Variants in ANKFY1 observed in about 807,000 individuals in gnomAD.
ANKFY1 encodes the protein ankyrin repeat and FYVE domain-containing protein 1.
Under a neutral mutation model 128.3 loss-of-function variants are expected in ANKFY1, and 47 were observed. The ratio of observed to expected loss-of-function variants is 0.37; its 90% confidence interval spans 0.29 to 0.47. The LOEUF (loss-of-function observed/expected upper bound fraction) is 0.47. Ranked by LOEUF, ANKFY1 falls within the 20% of genes least tolerant of loss-of-function variation. The pLI is 1.00. For synonymous variants in ANKFY1, 553 were observed against 601.6 expected, an observed-to-expected ratio of 0.92 and a Z score of 1.18; for missense variants, 1,222 against 1,510.6, an observed-to-expected ratio of 0.81 and a Z score of 3.17.
At chr17:4,174,685 G>C (rs12450955) in intron 19 of ANKFY1, among the ~76,000 whole-genome samples, 113,012 of 151,848 alleles carry the variant, frequency 0.74, 46,430 homozygotes, top group East Asian at 0.93. Flanking sequence ...CATGCTTTGA[G>C]TTTTTCCACA....
At chr17:4,206,203 C>T in intron 7 of ANKFY1, 118 bp downstream of exon 7, 1 of 1,068,880 alleles carries the variant, frequency 9.4e-7, no homozygotes, top group African/African-American at 1.6e-5. Context: ...ATCATGTAGC[C>T]TGTGAGTACA....
chr17:4,248,992 A>G, intron 1 of ANKFY1: 5 of 325,354 alleles, frequency 1.5e-5, no homozygotes, highest in Non-Finnish European at 2.2e-5. Context: ...TTGAGTTAAC[A>G]AAACATGCTT....
intron 7 of ANKFY1, among the ~76,000 whole-genome samples, chr17:4,203,063 A>G (rs970719452): frequency 6.6e-6 from 1 of 151,940 alleles, no homozygotes; most frequent in Non-Finnish European, 1.5e-5. Flanking sequence ...AAAGTTTTAC[A>G]TTAAAAGAAA....
At chr17:4,211,595 C>CAA (rs1381631008) in intron 4 of ANKFY1, among the ~76,000 whole-genome samples, 2 of 151,756 alleles carry the variant, frequency 1.3e-5, no homozygotes, top group Non-Finnish European at 2.9e-5. Context: ...CGGCCAGGTG[C>CAA]AAAGGCTCAC....
Position 4,242,338 on chromosome 17 carries a change from C to G in ANKFY1, c.121G>C (p.Ala41Pro), listed in dbSNP as rs1415350555. ...GACTCGCTGCTGCTCTCCTTGTTTG[C>G]CTGCGCAGCCAAGAGAGCGCAGCGC... ...EKRCALLAAQ[A>P]NKESSSESFI... is the part of the protein sequence containing the mutation. The change falls in exon 2 of 25, where the codon GCA becomes CCA. Residue 41 changes from alanine to proline, a missense_variant. Transcript: ENST00000341657. 3.7e-6 allele frequency: 6 copies of G among 1,602,198 alleles called. No homozygotes were observed. Among genetic ancestry groups the G allele is most frequent in the Non-Finnish European group, 5.1e-6 (6 of 1,175,714 alleles).
At chr17:4,257,456 T>C (rs1598159940) in intron 1 of ANKFY1, among the ~76,000 whole-genome samples, 1 of 152,266 alleles carries the variant, frequency 6.6e-6, no homozygotes, top group East Asian at 1.9e-4. Context: ...GCCCTTAACA[T>C]ACTCTTCCAA....
intron 8 of ANKFY1, among the ~76,000 whole-genome samples, chr17:4,195,895 C>T (rs948951553): frequency 1.4e-4 from 21 of 152,082 alleles, no homozygotes; most frequent in African/African-American, 4.3e-4. Context: ...CTGATGAAAG[C>T]GGCATTTAAC....
In ANKFY1 at chr17:4,174,074, A is replaced by C. The variant is rs376899671; in HGVS notation, c.2776-18T>G. ...GCAAGAAGCTGTTGAAGTTCATTAC[A>C]TGAACAGTCAGTCTCTCTGCCACAA... On this transcript the variant is annotated intron_variant, in intron 19 of 24. Transcript: ENST00000341657. 1.9e-6 allele frequency: 3 copies of C among 1,612,108 alleles called. No individual in the cohort carries two copies. The highest frequency in any genetic ancestry group is 1.7e-5 in the Admixed American group (1 of 59,906).
Position 4,182,294 on chromosome 17 carries a change from C to T in ANKFY1, c.2008G>A (p.Val670Ile), listed in dbSNP as rs755780066. ...QLAIRNQLPL[V>I]VDAICTRGAD... ...CCTCGGGTGCATATGGCATCAACTACGAGTGGAAGCTGGTTTCTGATGGCC... is the reference window on the plus strand; with the variant it reads ...CCTCGGGTGCATATGGCATCAACTATGAGTGGAAGCTGGTTTCTGATGGCC... Residue 670 changes from valine (V) to isoleucine (I), a missense_variant, in exon 15 of 25, where the codon GTA (valine) becomes ATA (isoleucine). Physicochemically the swap from Val to Ile is conservative, Grantham distance 29. Coordinates refer to ENST00000341657, the MANE Select transcript of ANKFY1 (RefSeq NM_001330063.2). 25 of 1,593,214 alleles carry T rather than the reference C, an allele frequency of 1.6e-5. No homozygotes were observed. The highest frequency in any genetic ancestry group is 3.3e-4 in the Middle Eastern group (2 of 6,028).
chr17:4,239,280 G>T (rs1302226455), intron 2 of ANKFY1, among the ~76,000 whole-genome samples: 1 of 152,160 alleles, frequency 6.6e-6, no homozygotes, highest in Non-Finnish European at 1.5e-5. Flanking sequence ...AAGAGTAGGA[G>T]AGATGTGTCT....
intron 1 of ANKFY1, among the ~76,000 whole-genome samples, chr17:4,252,068 T>C (rs1370336353): frequency 1.3e-5 from 2 of 148,600 alleles, no homozygotes; most frequent in Non-Finnish European, 3.0e-5. Context: ...GTATACAGAT[T>C]ATATTAAGAA....
chr17:4,245,409 T>A (rs1230592335), intron 1 of ANKFY1, among the ~76,000 whole-genome samples: 1 of 151,490 alleles, frequency 6.6e-6, no homozygotes, highest in African/African-American at 2.4e-5. Flanking sequence ...TATCACTATG[T>A]TGCCAGGCCT....
At chr17:4,253,086 T>A (rs750809239) in intron 1 of ANKFY1, among the ~76,000 whole-genome samples, 8 of 152,034 alleles carry the variant, frequency 5.3e-5, no homozygotes, top group African/African-American at 1.9e-4. Context: ...CGGACCAGGG[T>A]GGCACACACT....
chr17:4,234,156 A>G (rs979071052), intron 3 of ANKFY1, among the ~76,000 whole-genome samples: 1 of 152,190 alleles, frequency 6.6e-6, no homozygotes, highest in Admixed American at 6.5e-5. Context: ...ATACTATACC[A>G]TATAGCCTAG....
chr17:4,191,847 C>T (rs79795745), intron 10 of ANKFY1, among the ~76,000 whole-genome samples: 2 of 24,824 alleles, frequency 8.1e-5, no homozygotes, highest in African/African-American at 1.0e-4. Flanking sequence ...CTGGAGACTC[C>T]TAGTTGATGG....
chr17:4,212,711 G>A (rs139667306), intron 4 of ANKFY1, among the ~76,000 whole-genome samples: 363 of 152,086 alleles, frequency 2.4e-3, no homozygotes, highest in African/African-American at 8.2e-3. Flanking sequence ...ATGGGAATGG[G>A]TGATGGCAGA....
At chr17:4,233,352 C>CA (rs2060546621) in intron 3 of ANKFY1, among the ~76,000 whole-genome samples, 1 of 150,746 alleles carries the variant, frequency 6.6e-6, no homozygotes, top group South Asian at 2.1e-4. Context: ...TACATGGTTT[C>CA]AAAACACTAT....
chr17:4,177,250 A>G lies in ANKFY1; in HGVS notation c.2651T>C (p.Ile884Thr), dbSNP rs761885319. The change falls in exon 19 of 25, where the codon ATT becomes ACT. Residue 884 changes from isoleucine (I) to threonine (T), a missense_variant. Coordinates refer to ENST00000341657, the MANE Select transcript of ANKFY1 (RefSeq NM_001330063.2). ...ACTGATCAGGAACAGCACACTTTCA[A>G]TATCAGAGTTCTGAACTGCCACATG... ...FLHVAVQNSD[I>T]ESVLFLISVH... 15 of 1,604,962 alleles carry G rather than the reference A, an allele frequency of 9.3e-6. No individual in the cohort carries two copies. Among genetic ancestry groups the G allele is most frequent in the South Asian group, 1.1e-5 (1 of 88,588 alleles).
At chr17:4,193,419 CTTTTTT>C (rs34747890) in intron 10 of ANKFY1, among the ~76,000 whole-genome samples, 2 of 108,278 alleles carry the variant, frequency 1.8e-5, no homozygotes, top group Admixed American at 9.6e-5. Flanking sequence ...CCAGTCGACT[CTTTTTT>C]TTTTTTTTTT....
Sources: gnomAD v4.1 joint callset for allele counts (sites outside exome capture counted in the v4.1 genomes callset) on GRCh38, gnomAD v4.1.1 for gene constraint, MANE v1.5 for transcripts, NCBI Gene and HGNC (gene_info 2026-07-23, HGNC 2026-07-21) for gene names.